MED12: variants seen among roughly 807,000 people sequenced by gnomAD.
The protein encoded by MED12 is mediator of RNA polymerase II transcription subunit 12.
Under a neutral mutation model 177.7 loss-of-function variants are expected in MED12, and 10 were observed. That is an observed-to-expected ratio of 0.06 (90% CI 0.03 to 0.10). The LOEUF (loss-of-function observed/expected upper bound fraction) is 0.10, where lower values mean the gene tolerates loss of function less well. Among genes scored for constraint, MED12 ranks in the 10% least tolerant of loss-of-function variants. The pLI, the probability that MED12 is intolerant of heterozygous loss-of-function variation, is 1.00. For synonymous variants in MED12, 641 were observed against 678.4 expected, an observed-to-expected ratio of 0.94 and a Z score of 0.86; for missense variants, 867 against 1,780.8, an observed-to-expected ratio of 0.49 and a Z score of 9.23.
At chrX:71,134,628 C>G in intron 34 of MED12, 85 bp from the exon 35 acceptor site, 2 of 1,146,867 alleles carry the variant, frequency 1.7e-6, no homozygotes, top group Non-Finnish European at 1.2e-6. Context: ...TATTAAGCAC[C>G]TCTCCCTGCT....
chrX:71,139,935 A>C (rs887654582), intron 41 of MED12, among the ~76,000 whole-genome samples: 1 of 110,460 alleles, frequency 9.1e-6, no homozygotes, highest in Admixed American at 9.6e-5. Context: ...GAGCCTGGCC[A>C]GTAGACTCTT....
intron 34 of MED12, 99 bp downstream of exon 34, chrX:71,134,565 T>C: frequency 1.1e-6 from 1 of 932,855 alleles, no homozygotes; most frequent in Non-Finnish European, 1.5e-6. Context: ...GCTGTTACTG[T>C]GGACTCCGTG....
chrX:71,119,501 AG>A, intron 2 of MED12, 24 bp downstream of exon 2: 1 of 1,151,286 alleles, frequency 8.7e-7, no homozygotes, highest in Non-Finnish European at 1.2e-6. Flanking sequence ...GCCAGGCTGA[AG>A]GAAAAGGCTG....
At chrX:71,134,592 A>C in intron 34 of MED12, 121 bp from the exon 35 acceptor site, 11 of 1,037,489 alleles carry the variant, frequency 1.1e-5, no homozygotes, top group Non-Finnish European at 1.5e-5. Flanking sequence ...GGCTCCCCAT[A>C]CAGTTTTGGT....
intron 40 of MED12, 34 bp from the exon 41 acceptor site, chrX:71,137,692 C>T (rs377540099): frequency 1.8e-5 from 22 of 1,200,839 alleles, no homozygotes; most frequent in South Asian, 7.1e-5. Context: ...TGCATACTCT[C>T]GGCCCTGATT....
At chrX:71,135,676 T>C (rs1292663993) in intron 36 of MED12, among the ~76,000 whole-genome samples, 1 of 111,857 alleles carries the variant, frequency 8.9e-6, no homozygotes, top group African/African-American at 3.3e-5. Context: ...ACCATAATTA[T>C]TGTGTATAGT....
intron 19 of MED12, 51 bp from the exon 20 acceptor site, chrX:71,126,918 A>G (rs978608538): frequency 1.7e-6 from 2 of 1,170,040 alleles, no homozygotes; most frequent in Non-Finnish European, 2.3e-6. Context: ...GGTGGTTTCT[A>G]TGTAACACAA....
rs746256454 is a variant in MED12, at chrX:71,118,812, G to A, written c.58G>A (p.Gly20Arg). The A allele has an allele frequency of 8.3e-7, 1 of 1,209,531 alleles. No homozygotes were observed. Among genetic ancestry groups the A allele is most frequent in the East Asian group, 3.0e-5 (1 of 33,758 alleles). ...CCGGCCCCTGAAGCGGCCGCGGCTG[G>A]GGCCTCCCGATGTTTACCCTCAGGA... The part of the protein sequence containing the change: ...EHRPLKRPRL[G>R]PPDVYPQDPK... Residue 20 changes from glycine (G) to arginine (R), a missense_variant, in exon 1 of 45, where the codon GGG becomes AGG. Coordinates refer to ENST00000374080, the MANE Select transcript of MED12 (RefSeq NM_005120.3).
intron 41 of MED12, among the ~76,000 whole-genome samples, chrX:71,140,077 TTTC>T (rs1262146038): frequency 3.1e-5 from 3 of 95,895 alleles, no homozygotes; most frequent in Non-Finnish European, 6.6e-5. Context: ...TTTTCTTTTC[TTTC>T]TTTTTTTTTT....
chrX:71,123,277 C>A (rs1389287253), intron 11 of MED12, 51 bp downstream of exon 11: 1 of 1,192,445 alleles, frequency 8.4e-7, no homozygotes, highest in Non-Finnish European at 1.1e-6. Context: ...AAGGAATTTA[C>A]TGCGGTTGGA....
At chrX:71,119,172 G>A (rs1376244134) in intron 1 of MED12, among the ~76,000 whole-genome samples, 2 of 110,402 alleles carry the variant, frequency 1.8e-5, no homozygotes, top group Non-Finnish European at 3.8e-5. Context: ...GGCGCGCTGG[G>A]TGGCTGGGAA....
Position 71,142,176 on chromosome X carries a change from T to C in MED12, c.6492T>C (p.Asn2164=), listed in dbSNP as rs745748011. The change falls in exon 45 of 45, where the codon AAT becomes AAC. Residue 2164 remains asparagine (N), a splice_region_variant and synonymous_variant. Coordinates refer to ENST00000374080, the MANE Select transcript of MED12 (RefSeq NM_005120.3). ...CTGATAATCTCTGGTTTTTCACAGA[T>C]ACCCAGCCACAGCCCAGTACCAACA... The part of the protein sequence containing the change: ...LVRQLQQQLS[N]TQPQPSTNIF... The C allele has an allele frequency of 6.6e-6, 8 of 1,210,529 alleles. No individual in the cohort carries two copies. Among genetic ancestry groups the C allele is most frequent in the Non-Finnish European group, 8.9e-6 (8 of 894,683 alleles).
In MED12 at chrX:71,123,623, G is replaced by A. The variant is rs2092295340; in HGVS notation, c.1647G>A (p.Glu549=). The change falls in exon 12 of 45, where the codon GAG becomes GAA. Residue 549 remains glutamate, a synonymous_variant. Coordinates refer to ENST00000374080, the MANE Select transcript of MED12 (RefSeq NM_005120.3). ...ERCGESEAAD[E]KGSIASGSLS... is the part of the protein sequence containing the mutation. The stretch of plus-strand genomic sequence containing the variant: ...GTGGAGAATCAGAAGCCGCAGATGA[G>A]AAGGGTTCCATCGCCTCTGGCTCCC... 8.3e-7 allele frequency: 1 copy of A among 1,208,792 alleles called. No individual in the cohort carries two copies. The highest frequency in any genetic ancestry group is 1.8e-5 in the African/African-American group (1 of 57,082).
Position 71,132,552 on chromosome X carries a change from G to A in MED12, c.4415+14G>A, listed in dbSNP as rs754740105. On this transcript the variant is annotated intron_variant, in intron 31 of 44. Transcript: ENST00000374080. Reference sequence around the variant, plus strand: ...AAAGCAGAAGAGGTAAAGGGGCTTAGGGAGTGGACCAAGATTGAGGGGTAG... The same window carrying A: ...AAAGCAGAAGAGGTAAAGGGGCTTAAGGAGTGGACCAAGATTGAGGGGTAG... 2 of 1,171,865 alleles carry A rather than the reference G, an allele frequency of 1.7e-6. No homozygotes were observed. The highest frequency in any genetic ancestry group is 2.3e-6 in the Non-Finnish European group (2 of 874,840).
rs1316374428 is a variant in MED12 at position 71,140,817 on chromosome X, A to C, written c.6227A>C (p.Gln2076Pro). ...QQQQQQQQQQ[Q>P]YHIRQQQQQQ... Reference sequence around the variant, plus strand: ...CAGCAACAGCAGCAGCAGCAGCAGCAGTACCACATCCGGCAGCAGCAGCAG... The same window carrying C: ...CAGCAACAGCAGCAGCAGCAGCAGCCGTACCACATCCGGCAGCAGCAGCAG... Residue 2076 changes from glutamine (Q) to proline (P), a missense_variant, in exon 42 of 45, where the codon CAG becomes CCG. By Grantham distance (76) the Gln-to-Pro change is moderately conservative (BLOSUM62 -1). This residue lies in a region of MED12 where 236 missense variants were observed against 345.2 expected (regional missense o/e 0.68). Transcript: ENST00000374080. 1 of 1,208,632 alleles carries C rather than the reference A, an allele frequency of 8.3e-7. No homozygotes were observed. The highest frequency in any genetic ancestry group is 1.7e-5 in the African/African-American group (1 of 57,583).
Position 71,132,146 on chromosome X carries a change from C to A in MED12, c.4193C>A (p.Ser1398Ter). The change falls in exon 30 of 45, where the codon TCA becomes TAA. Residue 1398 changes from serine to a stop codon, truncating the protein, a stop_gained. Transcript: ENST00000374080. LOFTEE classifies it high-confidence loss of function. The part of the protein sequence containing the change: ...EVFQQSAETG[S>*]SSGSTASNMP... ...TTCCAACAGTCAGCAGAGACAGGGT[C>A]ATCTTCTGGAAGTACTGCAAGCAAC... 8.3e-7 allele frequency: 1 copy of A among 1,209,976 alleles called. No individual in the cohort carries two copies. Among genetic ancestry groups the A allele is most frequent in the South Asian group, 1.8e-5 (1 of 56,947 alleles).
At chrX:71,141,007 T>C in intron 42 of MED12, 150 bp downstream of exon 42, 1 of 1,104,179 alleles carries the variant, frequency 9.1e-7, no homozygotes, top group East Asian at 3.0e-5. Flanking sequence ...AGAAGTTTTC[T>C]ACCCTCCCCC....
At chrX:71,122,910 T>G (rs1266553379) in intron 10 of MED12, 36 bp downstream of exon 10, 1 of 1,198,567 alleles carries the variant, frequency 8.3e-7, no homozygotes, top group Non-Finnish European at 1.1e-6. Context: ...GCAAAAAACA[T>G]TGCAAGAGCA....
At chrX:71,123,291 C>T (rs1055813304) in intron 11 of MED12, 65 bp downstream of exon 11, 9 of 1,166,169 alleles carry the variant, frequency 7.7e-6, no homozygotes, top group African/African-American at 5.3e-5. Context: ...GGTTGGAGAC[C>T]GAGAGATGGA....
Sources: allele counts gnomAD v4.1 joint callset (sites outside exome capture counted in the v4.1 genomes callset), GRCh38; gene constraint gnomAD v4.1.1; regional missense constraint gnomAD v4.1.1; transcripts MANE v1.5; gene names NCBI Gene and HGNC (gene_info 2026-07-23, HGNC 2026-07-21).